Variants in ETV1 observed in about 807,000 individuals in gnomAD.
ETV1 encodes ETS translocation variant 1.
ETV1 carries 27 observed loss-of-function variants against 62.3 expected under a neutral mutation model. The ratio of observed to expected loss-of-function variants is 0.43; its 90% CI spans 0.32 to 0.60. The LOEUF (loss-of-function observed/expected upper bound fraction) is 0.60. ETV1 is among the 20% of genes least tolerant of loss of function. ETV1 has a pLI of 0.06. For synonymous variants in ETV1, 222 were observed against 199.6 expected (o/e 1.11, Z -0.94); for missense variants, 605 against 605.8 (o/e 1.00, Z 0.01).
chr7:13,949,334 T>C (rs1417306383), intron 6 of ETV1, among the ~76,000 whole-genome samples: 2 of 152,228 alleles, frequency 1.3e-5, no homozygotes, highest in Non-Finnish European at 2.9e-5. Flanking sequence ...TTTAAGTTAA[T>C]ATCACTTCAA....
In ETV1 at chr7:13,937,191, T is replaced by C. The variant is rs1187237947; in HGVS notation, c.366-1295A>G. ...ATTATATCCAGCTGCAAAAATCTTTTACAAGGAGTAAAGGAATATATGCTG... is the reference window on the plus strand; with the variant it reads ...ATTATATCCAGCTGCAAAAATCTTTCACAAGGAGTAAAGGAATATATGCTG... On this transcript the variant is annotated intron_variant, in intron 7 of 13. Coordinates refer to ENST00000430479, the MANE Select transcript of ETV1 (RefSeq NM_004956.5). Among the ~76,000 whole-genome samples the C allele has an allele frequency of 3.9e-5, 6 of 152,370 alleles. No individual in the cohort carries two copies. The East Asian group carries it at 1.2e-3, about 29-fold the overall frequency.
intron 6 of ETV1, among the ~76,000 whole-genome samples, chr7:13,961,917 T>C (rs1384304027): frequency 6.6e-6 from 1 of 152,118 alleles, no homozygotes; most frequent in Non-Finnish European, 1.5e-5. Context: ...GGTCAAGTTG[T>C]TACAACTATT....
At position 13,895,136 on chromosome 7, in the gene ETV1, G is replaced by C. The variant is rs1781650777; in HGVS notation, c.*730C>G. 4.3e-6 allele frequency: 1 copy of C among 233,252 alleles called. No homozygotes were observed. The allele number at this position is 233,252 out of a possible 1,614,324, so 14.4% of individuals were successfully genotyped here. A position where few individuals can be genotyped will look rare whatever the true frequency, so the allele number is the denominator to read the frequency against. On this transcript the variant is annotated 3_prime_UTR_variant, in exon 14 of 14. Coordinates refer to ENST00000430479, the MANE Select transcript of ETV1 (RefSeq NM_004956.5). ...TGATTTGTATCTAAACAGCAAGGTG[G>C]CACCAGATACACGTAATGCTACTGG... is the stretch of plus-strand genomic sequence containing the variant.
intron 6 of ETV1, among the ~76,000 whole-genome samples, chr7:13,944,288 T>C (rs1787903804): frequency 6.6e-6 from 1 of 152,226 alleles, no homozygotes; most frequent in South Asian, 2.1e-4. Flanking sequence ...TTGCTCACAG[T>C]TCTGGAAGCT....
Position 13,988,070 on chromosome 7 carries a change from C to A in ETV1, c.133+16G>T. 6.4e-7 allele frequency: 1 copy of A among 1,559,624 alleles called. No individual in the cohort carries two copies. The highest frequency in any genetic ancestry group is 8.8e-7 in the Non-Finnish European group (1 of 1,130,654). On this transcript the variant is annotated intron_variant, in intron 4 of 13. Coordinates refer to ENST00000430479, the MANE Select transcript of ETV1 (RefSeq NM_004956.5). ...TAGGTAAAAAAATGGGGATTCAGCC[C>A]AAAATCAAACCTCACCTTCTGAATC...
chr7:13,984,743 C>A (rs1161920789), intron 5 of ETV1, among the ~76,000 whole-genome samples: 2 of 151,894 alleles, frequency 1.3e-5, no homozygotes, highest in African/African-American at 4.8e-5. Flanking sequence ...GGTCCATGTT[C>A]TTCCAAATAC....
intron 7 of ETV1, 64 bp from the exon 8 acceptor site, chr7:13,935,960 C>T: frequency 7.6e-7 from 1 of 1,307,260 alleles, no homozygotes. Flanking sequence ...AAAAAAGTTT[C>T]TAATCCAAAG....
Position 13,894,613 on chromosome 7 carries a change from T to C in ETV1, c.*1253A>G, listed in dbSNP as rs79009457. On this transcript the variant is annotated 3_prime_UTR_variant, in exon 14 of 14. Transcript: ENST00000430479. ...ATGTGCATAAAAGCTGCTTATAGCA[T>C]AGCATGGCGTAAGCTATTTTTTAAG... The C allele has an allele frequency of 0.012, 2,808 of 232,666 alleles. 216 individuals carry two copies. In the East Asian group the frequency reaches 0.15, roughly 13 times the overall value. The allele number at this position is 232,666 out of a possible 1,614,324, so 14.4% of individuals were successfully genotyped here.
intron 6 of ETV1, among the ~76,000 whole-genome samples, chr7:13,947,474 A>G (rs1343119458): frequency 6.6e-6 from 1 of 152,064 alleles, no homozygotes; most frequent in African/African-American, 2.4e-5. Flanking sequence ...TTTGATTCTC[A>G]TCAGTTAAGA....
At chr7:13,896,753 A>AAAGAAAGAAAG (rs1203042916) in intron 13 of ETV1, among the ~76,000 whole-genome samples, 6 of 146,374 alleles carry the variant, frequency 4.1e-5, no homozygotes, top group Admixed American at 2.7e-4. Flanking sequence ...GGAAAGAAAG[A>AAAGAAAGAAAG]AAGAAAGAAA....
At chr7:13,959,882 C>CAAAAA (rs35605197) in intron 6 of ETV1, among the ~76,000 whole-genome samples, 1 of 56,702 alleles carries the variant, frequency 1.8e-5, no homozygotes, top group African/African-American at 4.1e-5. Context: ...GATTCTGTCT[C>CAAAAA]AAAAAAAAAA....
At chr7:13,988,878 T>C in intron 3 of ETV1, 130 bp downstream of exon 3, 1 of 1,563,726 alleles carries the variant, frequency 6.4e-7, no homozygotes, top group Non-Finnish European at 8.7e-7. Context: ...AGAGTCGCCC[T>C]ACAGTGGCAA....
intron 7 of ETV1, among the ~76,000 whole-genome samples, chr7:13,938,553 C>T (rs993060255): frequency 4.6e-5 from 7 of 152,138 alleles, no homozygotes; most frequent in African/African-American, 1.7e-4. Flanking sequence ...TTTTAATGAA[C>T]ATATATGTGA....
chr7:13,969,305 GAATA>G (rs67821370), intron 6 of ETV1, among the ~76,000 whole-genome samples: 1,602 of 152,194 alleles, frequency 0.011, 38 homozygotes, highest in African/African-American at 0.037. Flanking sequence ...GATAAAATAA[GAATA>G]TATTTAAAAT....
intron 4 of ETV1, 50 bp from the exon 5 acceptor site, chr7:13,986,735 T>A (rs779129126): frequency 8.1e-7 from 1 of 1,234,934 alleles, no homozygotes; most frequent in Admixed American, 2.2e-5. Context: ...ATCTTTAATC[T>A]TCATTAAATG....
intron 6 of ETV1, among the ~76,000 whole-genome samples, chr7:13,940,597 T>C (rs1339967028): frequency 3.3e-5 from 5 of 152,078 alleles, no homozygotes; most frequent in African/African-American, 1.2e-4. Context: ...GAGACACACG[T>C]TCTGGAGATT....
intron 10 of ETV1, 23 bp downstream of exon 10, chr7:13,911,216 A>C: frequency 6.4e-7 from 1 of 1,570,560 alleles, no homozygotes; most frequent in Non-Finnish European, 8.8e-7. Flanking sequence ...ATTTACACGG[A>C]ATTTCAGTGG....
At chr7:13,946,133 T>C (rs1278842564) in intron 6 of ETV1, among the ~76,000 whole-genome samples, 1 of 152,210 alleles carries the variant, frequency 6.6e-6, no homozygotes, top group African/African-American at 2.4e-5. Flanking sequence ...AAAGTGGTGG[T>C]TCAAAATGAT....
chr7:13,933,821 G>A (rs929730257), intron 8 of ETV1, among the ~76,000 whole-genome samples: 4 of 152,284 alleles, frequency 2.6e-5, no homozygotes, highest in South Asian at 2.1e-4. Context: ...TTGGAGTTCC[G>A]GGCCGGCTGT....
Sources: allele counts gnomAD v4.1 joint callset (sites outside exome capture counted in the v4.1 genomes callset), GRCh38; gene constraint gnomAD v4.1.1; transcripts MANE v1.5; gene names NCBI Gene and HGNC (gene_info 2026-07-23, HGNC 2026-07-21).